The following CNTN4 variants were observed in gnomAD, a reference collection of about 807,000 sequenced individuals.
CNTN4 encodes the protein contactin-4.
In CNTN4, 77 loss-of-function variants were observed where a neutral mutation model predicts 122.5. The observed-to-expected ratio is 0.63, with a 90% CI of 0.52 to 0.76. The LOEUF is 0.76. CNTN4 is among the 30% of genes least tolerant of loss of function. The pLI is 0.00. For synonymous variants in CNTN4, 512 were observed against 447.0 expected (o/e 1.15, Z -1.83); for missense variants, 1,256 against 1,259.1 (o/e 1.00, Z 0.04).
rs539651127 is a variant in CNTN4 at position 2,385,544 on chromosome 3, T to C, written c.-89+46311T>C. On this transcript the variant is annotated intron_variant, in intron 3 of 24. Coordinates refer to ENST00000418658, the MANE Select transcript of CNTN4 (RefSeq NM_175607.3). This position sits in a 1 kb window ranked among gnomAD's most constrained non-coding sequence, Gnocchi z 4.0. ...CTCTCACACTTCTAGAGGCCAGAAG[T>C]CCAAAATCAGGTGTTGGTAGGGCTG... Among the ~76,000 whole-genome samples, 3 of 152,172 alleles carry C rather than the reference T, an allele frequency of 2.0e-5. No homozygotes were observed. Among genetic ancestry groups the C allele is most frequent in the Non-Finnish European group, 2.9e-5 (2 of 68,014 alleles).
chr3:2,105,142 T>TA (rs2032328409), intron 2 of CNTN4, among the ~76,000 whole-genome samples: 1 of 152,144 alleles, frequency 6.6e-6, no homozygotes, highest in African/African-American at 2.4e-5. Flanking sequence ...TTGAACTAAT[T>TA]CCTGTAGATA....
chr3:2,165,947 A>T (rs1037269609), intron 2 of CNTN4, among the ~76,000 whole-genome samples: 1 of 152,158 alleles, frequency 6.6e-6, no homozygotes, highest in African/African-American at 2.4e-5. Flanking sequence ...ATATACCACA[A>T]TTGTGATGGG....
At chr3:2,254,446 G>A (rs1284184593) in intron 2 of CNTN4, among the ~76,000 whole-genome samples, 1 of 152,158 alleles carries the variant, frequency 6.6e-6, no homozygotes, top group African/African-American at 2.4e-5. Flanking sequence ...TCTGGTTATA[G>A]ATCCTTGAGG....
At chr3:2,592,904 C>G (rs1016235614) in intron 4 of CNTN4, among the ~76,000 whole-genome samples, 1 of 152,098 alleles carries the variant, frequency 6.6e-6, no homozygotes, top group East Asian at 1.9e-4. Flanking sequence ...CAAAACAGAA[C>G]CTTTGTGCAC....
chr3:2,764,057 C>G (rs919051198), intron 6 of CNTN4, among the ~76,000 whole-genome samples: 60 of 152,044 alleles, frequency 3.9e-4, no homozygotes, highest in African/African-American at 1.4e-3. Context: ...AAGAGCAAGA[C>G]ATTTCAAGTG....
intron 2 of CNTN4, among the ~76,000 whole-genome samples, chr3:2,185,691 G>A (rs1213286729): frequency 6.6e-6 from 1 of 152,034 alleles, no homozygotes; most frequent in Non-Finnish European, 1.5e-5. Context: ...TGGTCTTCGG[G>A]GTGTGATTTC....
rs2094598780 is a variant in CNTN4, at chr3:2,939,947, T to C, written c.1358+14168T>C. 2.0e-5 allele frequency among the ~76,000 whole-genome samples: 3 copies of C among 152,166 alleles called. No individual in the cohort carries two copies. In the South Asian group the frequency reaches 6.2e-4, roughly 32 times the overall value. Reference sequence around the variant, plus strand: ...CGGCAGAATATTTACACCATGGAAATAGGCCCACTTCAAGGGCAGTTTTTC... The same window carrying C: ...CGGCAGAATATTTACACCATGGAAACAGGCCCACTTCAAGGGCAGTTTTTC... On this transcript the variant is annotated intron_variant, in intron 13 of 24. Transcript: ENST00000418658.
At chr3:2,438,032 G>C (rs2048314619) in intron 3 of CNTN4, among the ~76,000 whole-genome samples, 1 of 152,136 alleles carries the variant, frequency 6.6e-6, no homozygotes. Flanking sequence ...CCTCCAGCCA[G>C]AGTGGTTTTG....
chr3:2,853,480 T>C (rs1380492110), intron 7 of CNTN4, among the ~76,000 whole-genome samples: 1 of 152,132 alleles, frequency 6.6e-6, no homozygotes, highest in Admixed American at 6.5e-5. Context: ...CCTGACCTTG[T>C]GATCTGCCCA....
At position 2,733,570 on chromosome 3, in the gene CNTN4, A is replaced by G. The variant is rs140269021; in HGVS notation, c.56-2645A>G. ...TTTTTTTGAGACAGAGTCTCACAGC[A>G]TCGCCTGGGCTGGAGTTCAGTGGTG... On this transcript the variant is annotated intron_variant, in intron 4 of 24. Coordinates refer to ENST00000418658, the MANE Select transcript of CNTN4 (RefSeq NM_175607.3). Among the ~76,000 whole-genome samples, 431 of 138,082 alleles carry G rather than the reference A, an allele frequency of 3.1e-3. 3 individuals are homozygous for G. The highest frequency in any genetic ancestry group is 0.012 in the African/African-American group (415 of 34,368). 90.6% of individuals were successfully genotyped at this position (138,082 alleles called of 152,430 possible).
chr3:2,275,825 C>T (rs910669479), intron 2 of CNTN4, among the ~76,000 whole-genome samples: 3 of 148,094 alleles, frequency 2.0e-5, no homozygotes, highest in Non-Finnish European at 4.4e-5. Flanking sequence ...GAAGCTGAGT[C>T]AGGAGAATCA....
At chr3:2,901,928 C>G (rs1347502997) in intron 11 of CNTN4, among the ~76,000 whole-genome samples, 2 of 152,224 alleles carry the variant, frequency 1.3e-5, no homozygotes, top group South Asian at 2.1e-4. Context: ...GCTTGAGGAT[C>G]AGCCTCCTGA....
At chr3:2,506,462 C>T (rs551160237) in intron 3 of CNTN4, among the ~76,000 whole-genome samples, 1 of 152,306 alleles carries the variant, frequency 6.6e-6, no homozygotes, top group South Asian at 2.1e-4. Flanking sequence ...GCATAGAAGT[C>T]TATAAGGGAA....
chr3:2,352,324 A>G (rs1043672493), intron 3 of CNTN4, among the ~76,000 whole-genome samples: 1 of 152,180 alleles, frequency 6.6e-6, no homozygotes, highest in Non-Finnish European at 1.5e-5. Context: ...CTGCCGCTGC[A>G]CTGTGGGAGC....
At chr3:2,548,853 G>A (rs1223473585) in intron 3 of CNTN4, among the ~76,000 whole-genome samples, 1 of 151,992 alleles carries the variant, frequency 6.6e-6, no homozygotes, top group Non-Finnish European at 1.5e-5. Flanking sequence ...TTATTTCTTT[G>A]AGCAGCGGTT....
At chr3:2,255,283 A>G (rs191636083) in intron 2 of CNTN4, among the ~76,000 whole-genome samples, 167 of 151,356 alleles carry the variant, frequency 1.1e-3, no homozygotes, top group African/African-American at 3.9e-3. Flanking sequence ...GGATTTATAA[A>G]GCAAGTTCTT....
At chr3:2,257,922 G>A (rs992842154) in intron 2 of CNTN4, among the ~76,000 whole-genome samples, 2 of 152,074 alleles carry the variant, frequency 1.3e-5, no homozygotes, top group Non-Finnish European at 2.9e-5. Flanking sequence ...AATTAGCCAG[G>A]CGTGGTGGTG....
At chr3:2,764,022 G>T (rs1254771795) in intron 6 of CNTN4, among the ~76,000 whole-genome samples, 2 of 151,846 alleles carry the variant, frequency 1.3e-5, no homozygotes, top group Non-Finnish European at 1.5e-5. Context: ...TTAAGGAGAG[G>T]TATAAAGTGG....
At chr3:2,229,964 C>T (rs1335229125) in intron 2 of CNTN4, among the ~76,000 whole-genome samples, 1 of 152,172 alleles carries the variant, frequency 6.6e-6, no homozygotes, top group East Asian at 1.9e-4. Context: ...AGGGAGTTAT[C>T]AGGAAACCAT....
Sources: gnomAD v4.1 joint callset for allele counts (sites outside exome capture counted in the v4.1 genomes callset) on GRCh38, gnomAD v4.1.1 for gene constraint, Gnocchi (gnomAD v3.1) non-coding constraint, MANE v1.5 for transcripts, NCBI Gene and HGNC (gene_info 2026-07-23, HGNC 2026-07-21) for gene names.